The following CSMD1 variants were observed in gnomAD, a reference collection of about 807,000 sequenced individuals.
CSMD1 encodes CUB and sushi domain-containing protein 1.
A neutral mutation model predicts 417.5 loss-of-function variants in CSMD1; 213 were observed. The ratio of observed to expected loss-of-function variants is 0.51; its 90% confidence interval spans 0.46 to 0.57. The LOEUF is 0.57. Among genes scored for constraint, CSMD1 ranks in the 20% least tolerant of loss-of-function variants. The probability of loss-of-function intolerance (pLI) is 0.00; values close to 1 mark genes in which losing one functional copy is unlikely to be tolerated. For missense variants in CSMD1, 6,923 were observed against 4,529.7 expected (o/e 1.53, Z -15.17); for synonymous variants, 2,862 against 1,736.8 (o/e 1.65, Z -16.11).
chr8:4,101,735 T>C (rs1801314539), intron 3 of CSMD1, among the ~76,000 whole-genome samples: 1 of 152,192 alleles, frequency 6.6e-6, no homozygotes, highest in Non-Finnish European at 1.5e-5. Flanking sequence ...AAAAGCAAAC[T>C]GGGCCAATGA....
At position 4,834,747 on chromosome 8, in the gene CSMD1, G is replaced by T. The variant is rs563839601; in HGVS notation, c.85+159585C>A. ...CGAGGCGGGCGGATCACGACATCAG[G>T]AGATCGAGACCATCCTGGCTAACAC... On this transcript the variant is annotated intron_variant, in intron 1 of 69. Coordinates refer to ENST00000635120, the MANE Select transcript of CSMD1 (RefSeq NM_033225.6). 3.3e-5 allele frequency among the ~76,000 whole-genome samples: 5 copies of T among 151,890 alleles called. No individual in the cohort carries two copies. In the South Asian group the frequency reaches 1.0e-3, roughly 32 times the overall value.
intron 1 of CSMD1, among the ~76,000 whole-genome samples, chr8:4,784,456 A>G (rs1175365683): frequency 6.6e-6 from 1 of 152,226 alleles, no homozygotes; most frequent in Non-Finnish European, 1.5e-5. Context: ...TGATTAAAAT[A>G]ACACTTGCAT....
chr8:4,684,063 G>C (rs983580746), intron 1 of CSMD1, among the ~76,000 whole-genome samples: 4 of 152,242 alleles, frequency 2.6e-5, no homozygotes, highest in South Asian at 2.1e-4. Flanking sequence ...TGTAAGTTTA[G>C]AAGAACATTT....
At chr8:4,821,143 T>C (rs1554492725) in intron 1 of CSMD1, among the ~76,000 whole-genome samples, 1 of 152,186 alleles carries the variant, frequency 6.6e-6, no homozygotes, top group Non-Finnish European at 1.5e-5. Flanking sequence ...ACGCCGAAAC[T>C]TCTCTGAGTC....
intron 7 of CSMD1, among the ~76,000 whole-genome samples, chr8:3,685,191 G>T (rs1252290590): frequency 6.6e-6 from 1 of 152,170 alleles, no homozygotes; most frequent in Non-Finnish European, 1.5e-5. Context: ...CAAATCCAAA[G>T]TTGCAAAATT....
chr8:3,787,336 C>A (rs1006078366), intron 5 of CSMD1, among the ~76,000 whole-genome samples: 17 of 152,004 alleles, frequency 1.1e-4, no homozygotes, highest in African/African-American at 4.1e-4. Context: ...ATAGAGAAAA[C>A]AGTTCAATGT....
At chr8:4,293,446 T>G (rs1026151557) in intron 3 of CSMD1, among the ~76,000 whole-genome samples, 3 of 152,216 alleles carry the variant, frequency 2.0e-5, no homozygotes, top group African/African-American at 7.2e-5. Flanking sequence ...AAAAATTAAT[T>G]ACACTAATAT....
chr8:4,888,378 G>T (rs560128862), intron 1 of CSMD1, among the ~76,000 whole-genome samples: 3 of 151,784 alleles, frequency 2.0e-5, no homozygotes, highest in African/African-American at 7.3e-5. Flanking sequence ...AAAATGAGGA[G>T]ATATATGTAT....
intron 7 of CSMD1, among the ~76,000 whole-genome samples, chr8:3,698,127 C>T (rs1224024015): frequency 6.6e-6 from 1 of 152,036 alleles, no homozygotes; most frequent in Non-Finnish European, 1.5e-5. Context: ...CTTCTAGTTC[C>T]CAGTGATGCT....
Position 3,396,320 on chromosome 8 carries a change from G to T in CSMD1, c.2467C>A (p.Pro823Thr). The change falls in exon 17 of 70, where the codon CCA (proline) becomes ACA (threonine). Residue 823 changes from proline (P) to threonine (T), a missense_variant. Physicochemically the swap from Pro to Thr is conservative, Grantham distance 38 (BLOSUM62 -1). Transcript: ENST00000635120. ...GTGCCGTGGTACTCGCCGATCAGTG[G>T]GGACGAACTGGCTGGCCCATCTCTG... ...EVRDGPASSS[P>T]LIGEYHGTQA... 1 of 1,608,128 alleles carries T rather than the reference G, an allele frequency of 6.2e-7. No individual in the cohort carries two copies. The highest frequency in any genetic ancestry group is 8.5e-7 in the Non-Finnish European group (1 of 1,177,342).
At chr8:2,947,250 TTG>T (rs1802308403) in intron 68 of CSMD1, among the ~76,000 whole-genome samples, 1 of 152,198 alleles carries the variant, frequency 6.6e-6, no homozygotes, top group South Asian at 2.1e-4. Context: ...TGCATTAAAT[TTG>T]TCTTTCAAAT....
intron 53 of CSMD1, among the ~76,000 whole-genome samples, chr8:2,998,738 G>A (rs1029280614): frequency 1.3e-5 from 2 of 152,176 alleles, no homozygotes; most frequent in African/African-American, 2.4e-5. Context: ...CCTTTGAAAT[G>A]CAGTGAACTG....
In CSMD1 at chr8:4,419,980, C is replaced by A. The variant is rs948179033; in HGVS notation, c.388G>T (p.Ala130Ser). The part of the protein sequence containing the change: ...LWFTTDFAVS[A>S]QGFKALYEVL... ...TCATATAATGCTTTGAAACCTTGGG[C>A]ACTCACAGCGAAGTCTGTCGTGAAC... The change falls in exon 3 of 70, where the codon GCC (alanine) becomes TCC (serine). Residue 130 changes from alanine (A) to serine (S), a missense_variant. Physicochemically the swap from Ala to Ser is moderately conservative, Grantham distance 99. Transcript: ENST00000635120. The A allele has an allele frequency of 2.0e-5, 32 of 1,585,242 alleles. No individual in the cohort carries two copies. The highest frequency in any genetic ancestry group is 2.7e-5 in the Non-Finnish European group (32 of 1,164,514).
At chr8:4,438,938 T>C (rs530023132) in intron 2 of CSMD1, among the ~76,000 whole-genome samples, 3 of 152,242 alleles carry the variant, frequency 2.0e-5, no homozygotes, top group African/African-American at 7.2e-5. Flanking sequence ...TGGTGTAGGA[T>C]TCCGTAAATG....
chr8:4,564,563 T>A (rs1246670466), intron 2 of CSMD1, among the ~76,000 whole-genome samples: 2 of 152,176 alleles, frequency 1.3e-5, no homozygotes, highest in East Asian at 3.9e-4. Flanking sequence ...TTTATAAGCA[T>A]AAATACTGAT....
chr8:4,920,886 GAAAAGAAAAGAAAAGAAA>G (rs1806403882), intron 1 of CSMD1, among the ~76,000 whole-genome samples: 2 of 47,788 alleles, frequency 4.2e-5, no homozygotes, highest in Non-Finnish European at 9.6e-5. Flanking sequence ...GAAAAGAAAA[GAAAAGAAAAGAAAAGAAA>G]AGAAAAGAAA....
At chr8:4,067,357 A>C (rs1799305733) in intron 3 of CSMD1, among the ~76,000 whole-genome samples, 2 of 152,240 alleles carry the variant, frequency 1.3e-5, no homozygotes, top group Non-Finnish European at 2.9e-5. Context: ...GGGAATTTTA[A>C]AGTGATTCGG....
At chr8:3,776,794 G>A (rs1211458435) in intron 5 of CSMD1, among the ~76,000 whole-genome samples, 3 of 100,128 alleles carry the variant, frequency 3.0e-5, no homozygotes, top group African/African-American at 1.0e-4. Flanking sequence ...GATAGATAGT[G>A]ACATATAGAC....
chr8:4,375,006 G>A (rs1250814682), intron 3 of CSMD1, among the ~76,000 whole-genome samples: 1 of 149,304 alleles, frequency 6.7e-6, no homozygotes, highest in Non-Finnish European at 1.5e-5. Flanking sequence ...GAGCAATAGT[G>A]GGGACAGGGC....
Sources: allele counts gnomAD v4.1 joint callset (sites outside exome capture counted in the v4.1 genomes callset), GRCh38; gene constraint gnomAD v4.1.1; transcripts MANE v1.5; gene names NCBI Gene and HGNC (gene_info 2026-07-23, HGNC 2026-07-21).